Variants in GPC5 observed in about 807,000 individuals in gnomAD.
The protein encoded by GPC5 is glypican 5.
A neutral mutation model predicts 53.9 loss-of-function variants in GPC5; 47 were observed. The observed-to-expected ratio is 0.87, with a 90% CI of 0.69 to 1.11. The LOEUF is 1.11. Ranked by LOEUF, GPC5 falls within the 50% of genes most tolerant of loss-of-function variation. The pLI, the probability that GPC5 is intolerant of heterozygous loss-of-function variation, is 0.00. For missense variants in GPC5, 748 were observed against 713.1 expected (o/e 1.05, Z -0.56); for synonymous variants, 286 against 263.3 (o/e 1.09, Z -0.84).
At chr13:92,520,457 G>T (rs1276661063) in intron 7 of GPC5, among the ~76,000 whole-genome samples, 1 of 152,106 alleles carries the variant, frequency 6.6e-6, no homozygotes, top group African/African-American at 2.4e-5. Flanking sequence ...TCATCCCTGG[G>T]ATGCAAGCTG....
chr13:92,291,062 G>A lies in GPC5; in HGVS notation c.1561+146073G>A, dbSNP rs776659386. On this transcript the variant is annotated intron_variant, in intron 7 of 7. Transcript: ENST00000377067. ...CAGCTGCTGTGCTCAATTTCTCGCC[G>A]GGCCTTAGCTGCCTTTCCGCTAGGC... Among the ~76,000 whole-genome samples the A allele has an allele frequency of 3.5e-4, 53 of 152,198 alleles. 1 individual carries two copies. Among genetic ancestry groups the A allele is most frequent in the Middle Eastern group, 3.4e-3 (1 of 292 alleles).
intron 7 of GPC5, among the ~76,000 whole-genome samples, chr13:92,724,913 A>ACACACACACAC (rs1566386562): frequency 3.1e-4 from 28 of 88,966 alleles, no homozygotes; most frequent in Admixed American, 4.9e-4. Flanking sequence ...CACACACACA[A>ACACACACACAC]GAAAGAAAAA....
rs146260222 is a variant in GPC5 at position 92,848,415 on chromosome 13, C to T, written c.1562-17867C>T. ...AATAAATTAAAAAGAGTAAAGTGTT[C>T]GTTTATATATCAAACTTATTTTTAC... On this transcript the variant is annotated intron_variant, in intron 7 of 7. Transcript: ENST00000377067. 6.4e-3 allele frequency among the ~76,000 whole-genome samples: 974 copies of T among 151,912 alleles called. 17 individuals carry two copies. The highest frequency in any genetic ancestry group is 0.011 in the Admixed American group (175 of 15,246).
chr13:91,600,593 A>G (rs1266866558), intron 2 of GPC5, among the ~76,000 whole-genome samples: 6 of 152,046 alleles, frequency 3.9e-5, no homozygotes, highest in African/African-American at 7.2e-5. Flanking sequence ...AAAAGACCCC[A>G]TTATTTATGT....
chr13:92,482,919 G>A (rs778580666), intron 7 of GPC5, among the ~76,000 whole-genome samples: 1 of 152,148 alleles, frequency 6.6e-6, no homozygotes, highest in Non-Finnish European at 1.5e-5. Context: ...AAAGGAAAGA[G>A]GTTTAATGGA....
chr13:92,205,536 C>G (rs1186078187), intron 7 of GPC5, among the ~76,000 whole-genome samples: 3 of 152,092 alleles, frequency 2.0e-5, no homozygotes, highest in Admixed American at 6.5e-5. Context: ...TTCTAGAAAG[C>G]GGGAACAAAA....
chr13:92,223,183 T>A (rs1391444306), intron 7 of GPC5, among the ~76,000 whole-genome samples: 1 of 152,180 alleles, frequency 6.6e-6, no homozygotes, highest in African/African-American at 2.4e-5. Flanking sequence ...GAGTTTACAC[T>A]TGACCTCAAA....
chr13:92,453,945 G>A (rs1215629509), intron 7 of GPC5, among the ~76,000 whole-genome samples: 4 of 152,132 alleles, frequency 2.6e-5, no homozygotes, highest in African/African-American at 9.7e-5. Flanking sequence ...CGTATAAATA[G>A]CACGCAAAAT....
intron 7 of GPC5, among the ~76,000 whole-genome samples, chr13:92,421,504 C>A (rs1475548580): frequency 6.6e-6 from 1 of 151,944 alleles, no homozygotes; most frequent in Non-Finnish European, 1.5e-5. Context: ...TCGAAACCAT[C>A]CTGGCTAACA....
chr13:92,067,288 C>G (rs2138860520), intron 6 of GPC5, among the ~76,000 whole-genome samples: 1 of 152,088 alleles, frequency 6.6e-6, no homozygotes. Flanking sequence ...TCTGTTGAAA[C>G]TTAATGAGAA....
At chr13:91,533,364 C>G (rs140605172) in intron 2 of GPC5, among the ~76,000 whole-genome samples, 122 of 152,268 alleles carry the variant, frequency 8.0e-4, no homozygotes, top group African/African-American at 2.9e-3. Flanking sequence ...TTGTCATTAA[C>G]AACTCTATTT....
intron 6 of GPC5, among the ~76,000 whole-genome samples, chr13:92,100,931 T>A (rs1041582583): frequency 6.6e-6 from 1 of 152,186 alleles, no homozygotes; most frequent in Non-Finnish European, 1.5e-5. Context: ...CATATCTAGC[T>A]ATCAAAATGC....
Position 91,742,554 on chromosome 13 carries a change from C to T in GPC5, c.1155-13741C>T, listed in dbSNP as rs77569705. Among the ~76,000 whole-genome samples the T allele has an allele frequency of 1.4e-3, 218 of 152,264 alleles. 1 individual carries two copies. Among genetic ancestry groups the T allele is most frequent in the African/African-American group, 4.5e-3 (189 of 41,550 alleles). On this transcript the variant is annotated intron_variant, in intron 4 of 7. Transcript: ENST00000377067. ...AAGAGGCAGGTTCAACTATTTGGCA[C>T]GAACTAGAAGTTGACATTGCAGTTG...
chr13:92,578,782 T>C (rs1381554589), intron 7 of GPC5, among the ~76,000 whole-genome samples: 4 of 152,222 alleles, frequency 2.6e-5, no homozygotes, highest in Admixed American at 2.0e-4. Context: ...TGTGTATTCC[T>C]GAACCCAGTC....
chr13:91,974,245 C>T (rs556110151), intron 6 of GPC5, among the ~76,000 whole-genome samples: 1 of 152,260 alleles, frequency 6.6e-6, no homozygotes, highest in East Asian at 1.9e-4. Context: ...TCCTATTCAA[C>T]ATAGTGTTGG....
rs186511985 is a variant in GPC5, at chr13:92,562,219, G to T, written c.1562-304063G>T. Among the ~76,000 whole-genome samples the T allele has an allele frequency of 1.1e-4, 16 of 152,152 alleles. No homozygotes were observed. The East Asian group carries it at 3.1e-3, about 30-fold the overall frequency. On this transcript the variant is annotated intron_variant, in intron 7 of 7. Coordinates refer to ENST00000377067, the MANE Select transcript of GPC5 (RefSeq NM_004466.6). ...GCTCTCAGCAATTCCATAAGCCTCA[G>T]AAAATCTCTTATGAATTTCACCCTT...
At chr13:92,241,319 A>C (rs1387170048) in intron 7 of GPC5, 2 of 152,178 alleles carry the variant, frequency 1.3e-5, no homozygotes, top group Admixed American at 6.5e-5. Context: ...AATGGAAGAG[A>C]CTGGAACTCT....
intron 7 of GPC5, among the ~76,000 whole-genome samples, chr13:92,188,870 A>G (rs1744095480): frequency 6.6e-6 from 1 of 152,322 alleles, no homozygotes; most frequent in South Asian, 2.1e-4. Context: ...AACAACAGAA[A>G]AGCCAACAGT....
intron 6 of GPC5, among the ~76,000 whole-genome samples, chr13:91,983,227 T>C (rs2040376569): frequency 6.6e-6 from 1 of 152,016 alleles, no homozygotes; most frequent in South Asian, 2.1e-4. Flanking sequence ...GCGCCTGTAG[T>C]CCCAGCTACT....
Sources: gnomAD v4.1 joint callset for allele counts (sites outside exome capture counted in the v4.1 genomes callset) on GRCh38, gnomAD v4.1.1 for gene constraint, MANE v1.5 for transcripts, NCBI Gene and HGNC (gene_info 2026-07-23, HGNC 2026-07-21) for gene names.